FAM227A: variants seen among roughly 807,000 people sequenced by gnomAD.
FAM227A encodes family with sequence similarity 227 member A.
In FAM227A, 80 loss-of-function variants were observed where a neutral mutation model predicts 74.7. The ratio of observed to expected loss-of-function variants is 1.07; its 90% CI spans 0.89 to 1.29. The LOEUF (loss-of-function observed/expected upper bound fraction) is 1.29. Ranked by LOEUF, FAM227A falls within the 50% of genes most tolerant of loss-of-function variation. FAM227A has a pLI of 0.00. For synonymous variants in FAM227A, 237 were observed against 241.8 expected (o/e 0.98, Z 0.19); for missense variants, 654 against 683.4 (o/e 0.96, Z 0.48).
At chr22:38,638,895 G>T in intron 4 of FAM227A, 73 bp from the exon 5 acceptor site, 1 of 997,330 alleles carries the variant, frequency 1.0e-6, no homozygotes, top group Non-Finnish European at 1.4e-6. Flanking sequence ...GCTTACAACT[G>T]TGCTTTTTCA....
In FAM227A at chr22:38,645,610, T is replaced by G. The variant is rs1225243356; in HGVS notation, c.178A>C (p.Lys60Gln). Residue 60 changes from lysine to glutamine, a missense_variant, in exon 3 of 17, where the codon AAG (lysine) becomes CAG (glutamine). By Grantham distance (53) the Lys-to-Gln change is moderately conservative. Coordinates refer to ENST00000535113, the MANE Select transcript of FAM227A (RefSeq NM_001013647.2). Reference protein sequence around the residue: ...LIGSMHQVNQKIADINLRTEP... With the variant: ...LIGSMHQVNQQIADINLRTEP... ...GTACGCAGATTTATGTCAGCAATCT[T>G]TTGGTTCACCTGGTGCATGGAGCCA... 3.2e-6 allele frequency: 5 copies of G among 1,551,348 alleles called. No individual in the cohort carries two copies. Among genetic ancestry groups the G allele is most frequent in the Non-Finnish European group, 3.5e-6 (4 of 1,146,880 alleles).
intron 1 of FAM227A, among the ~76,000 whole-genome samples, chr22:38,655,141 A>G (rs957831411): frequency 1.4e-5 from 2 of 144,936 alleles, no homozygotes; most frequent in Admixed American, 1.4e-4. Flanking sequence ...CTCTGTCTCG[A>G]AAAAAAAAAA....
chr22:38,627,170 G>GTA (rs944803339), intron 8 of FAM227A, among the ~76,000 whole-genome samples: 1 of 151,326 alleles, frequency 6.6e-6, no homozygotes, highest in African/African-American at 2.4e-5. Context: ...AATCCTTTTA[G>GTA]TATATATATA....
At chr22:38,597,851 G>A (rs2091081493) in intron 14 of FAM227A, among the ~76,000 whole-genome samples, 1 of 152,004 alleles carries the variant, frequency 6.6e-6, no homozygotes, top group South Asian at 2.1e-4. Flanking sequence ...AGACCATCCT[G>A]GCTAACACTG....
chr22:38,587,021 C>T (rs2090825008), intron 16 of FAM227A, among the ~76,000 whole-genome samples: 1 of 152,118 alleles, frequency 6.6e-6, no homozygotes, highest in Non-Finnish European at 1.5e-5. Flanking sequence ...TTGGAAAGAA[C>T]ATGCTACAAC....
intron 6 of FAM227A, 135 bp from the exon 7 acceptor site, chr22:38,629,070 T>C: frequency 1.7e-6 from 1 of 605,476 alleles, no homozygotes; most frequent in Non-Finnish European, 2.9e-6. Context: ...TTTTACATAC[T>C]CTCATTTAAC....
intron 13 of FAM227A, among the ~76,000 whole-genome samples, chr22:38,600,205 T>G (rs2091141891): frequency 6.6e-6 from 1 of 152,108 alleles, no homozygotes; most frequent in Non-Finnish European, 1.5e-5. Flanking sequence ...TTAAAATGTT[T>G]ATGAAGAGTT....
At chr22:38,605,552 A>G (rs1322716906) in intron 12 of FAM227A, among the ~76,000 whole-genome samples, 1 of 152,166 alleles carries the variant, frequency 6.6e-6, no homozygotes. Flanking sequence ...GGCCTCCCAC[A>G]GTGCTGAGAT....
intron 2 of FAM227A, among the ~76,000 whole-genome samples, chr22:38,645,943 CT>C (rs921166206): frequency 2.0e-5 from 3 of 151,984 alleles, no homozygotes; most frequent in East Asian, 1.9e-4. Flanking sequence ...ACCACCACCC[CT>C]GGCCTATTTT....
chr22:38,614,305 T>C (rs2091530425), intron 11 of FAM227A, among the ~76,000 whole-genome samples: 1 of 152,170 alleles, frequency 6.6e-6, no homozygotes, highest in Non-Finnish European at 1.5e-5. Flanking sequence ...AAACTTTTTA[T>C]CTTTAAAAAT....
intron 16 of FAM227A, 31 bp downstream of exon 16, chr22:38,591,404 C>T: frequency 1.3e-6 from 2 of 1,549,316 alleles, no homozygotes; most frequent in Non-Finnish European, 1.7e-6. Flanking sequence ...TTCGAACAAC[C>T]CTTAAACTCA....
intron 8 of FAM227A, among the ~76,000 whole-genome samples, chr22:38,626,856 ACT>A (rs1163759227): frequency 4.1e-5 from 4 of 96,988 alleles, no homozygotes; most frequent in Non-Finnish European, 7.6e-5. Flanking sequence ...CGACAGAGAG[ACT>A]CTGTCTCAAA....
At chr22:38,600,027 CCA>C in intron 13 of FAM227A, 106 bp from the exon 14 acceptor site, 1 of 1,098,118 alleles carries the variant, frequency 9.1e-7, no homozygotes, top group Non-Finnish European at 1.2e-6. Context: ...TCCAGTAATT[CCA>C]GTTTTAGGAT....
At chr22:38,609,214 G>A (rs2091357636) in intron 11 of FAM227A, among the ~76,000 whole-genome samples, 1 of 152,178 alleles carries the variant, frequency 6.6e-6, no homozygotes, top group African/African-American at 2.4e-5. Flanking sequence ...AAGGTTTCCA[G>A]AAACTGCCAC....
chr22:38,628,462 G>A, intron 7 of FAM227A, 120 bp from the exon 8 acceptor site: 2 of 682,848 alleles, frequency 2.9e-6, no homozygotes, highest in South Asian at 1.8e-5. Flanking sequence ...AAGATATTTA[G>A]CCTCATATGC....
At chr22:38,621,765 C>G (rs1368799062) in intron 10 of FAM227A, among the ~76,000 whole-genome samples, 6 of 152,160 alleles carry the variant, frequency 3.9e-5, no homozygotes, top group Non-Finnish European at 8.8e-5. Context: ...AAGTCCTGAT[C>G]AACTGCAGAG....
rs935666866 is a variant in FAM227A at position 38,582,378 on chromosome 22, T to C, written c.*3747A>G. 6 of 1,550,502 alleles carry C rather than the reference T, an allele frequency of 3.9e-6. No individual in the cohort carries two copies. In the South Asian group the frequency reaches 7.1e-5, roughly 18 times the overall value. ...CATCTGAATTTATCTTCTTCCATGC[T>C]GAGAGTATGGGTTTTCAGCAACACT... On this transcript the variant is annotated 3_prime_UTR_variant, in exon 17 of 17. Coordinates refer to ENST00000535113, the MANE Select transcript of FAM227A (RefSeq NM_001013647.2).
At chr22:38,608,513 C>A (rs539454224) in intron 11 of FAM227A, among the ~76,000 whole-genome samples, 2 of 152,148 alleles carry the variant, frequency 1.3e-5, no homozygotes, top group South Asian at 2.1e-4. Flanking sequence ...TCACTGCAAC[C>A]TTTGCCTCCC....
At chr22:38,602,871 G>A (rs938545904) in intron 13 of FAM227A, among the ~76,000 whole-genome samples, 2 of 151,856 alleles carry the variant, frequency 1.3e-5, no homozygotes, top group African/African-American at 2.4e-5. Context: ...TTTGCTTTTT[G>A]TTGTTGTTGT....
Sources: gnomAD v4.1 joint callset for allele counts (sites outside exome capture counted in the v4.1 genomes callset) on GRCh38, gnomAD v4.1.1 for gene constraint, MANE v1.5 for transcripts, NCBI Gene and HGNC (gene_info 2026-07-23, HGNC 2026-07-21) for gene names.